KCTD7: variants seen among roughly 807,000 people sequenced by gnomAD.
KCTD7 encodes potassium channel tetramerization domain containing 7.
A neutral mutation model predicts 27.0 loss-of-function variants in KCTD7; 15 were observed. That is an observed-to-expected ratio of 0.56 (90% CI 0.37 to 0.86). The LOEUF is 0.86. KCTD7 is among the 40% of genes least tolerant of loss of function. The pLI, the probability that KCTD7 is intolerant of heterozygous loss-of-function variation, is 0.00. For missense variants in KCTD7, 299 were observed against 398.9 expected, an observed-to-expected ratio of 0.75 and a Z score of 2.13; for synonymous variants, 159 against 162.7, an observed-to-expected ratio of 0.98 and a Z score of 0.17.
At chr7:66,635,311 C>A (rs575567495) in intron 2 of KCTD7, among the ~76,000 whole-genome samples, 1 of 152,082 alleles carries the variant, frequency 6.6e-6, no homozygotes, top group Non-Finnish European at 1.5e-5. Flanking sequence ...AGTTTGTGTC[C>A]GGCCCGGCCG....
rs530330836 is a variant in KCTD7, at chr7:66,641,566, C to T, written c.*2334C>T. On this transcript the variant is annotated 3_prime_UTR_variant, in exon 4 of 4. Coordinates refer to ENST00000639828, the MANE Select transcript of KCTD7 (RefSeq NM_153033.5). ...GGGTAAGAACACCGTTCCTCTCTCT[C>T]GCTGGAGAAATCCCTGTTTCTCTGA... 140 of 985,404 alleles carry T rather than the reference C, an allele frequency of 1.4e-4. No homozygotes were observed. The African/African-American group carries it at 2.1e-3, about 15-fold the overall frequency. The allele number at this position is 985,404 out of a possible 1,614,324, so 61.0% of individuals were successfully genotyped here. A position where few individuals can be genotyped will look rare whatever the true frequency, so the allele number is the denominator to read the frequency against.
intron 1 of KCTD7, among the ~76,000 whole-genome samples, chr7:66,629,522 G>A (rs1786399907): frequency 6.6e-6 from 1 of 152,112 alleles, no homozygotes; most frequent in South Asian, 2.1e-4. Context: ...GGTGGGCCGT[G>A]GGAGGGGGAC....
In KCTD7 at chr7:66,640,135, G is replaced by A. The variant is rs796725334; in HGVS notation, c.*903G>A. ...CATGTGTTAGAATCCAGTTTGTGGT[G>A]AACCTCTTTGGAAGGGGACCCCCTC... On this transcript the variant is annotated 3_prime_UTR_variant, in exon 4 of 4. Transcript: ENST00000639828. 17 of 1,351,678 alleles carry A rather than the reference G, an allele frequency of 1.3e-5. No individual in the cohort carries two copies. In the African/African-American group the frequency reaches 2.5e-4, roughly 20 times the overall value. 83.7% of individuals were successfully genotyped at this position (1,351,678 alleles called of 1,614,324 possible). A position where few individuals can be genotyped will look rare whatever the true frequency, so the allele number is the denominator to read the frequency against.
At position 66,633,494 on chromosome 7, in the gene KCTD7, C is replaced by A. The variant is rs763903390; in HGVS notation, c.314+50C>A. The A allele has an allele frequency of 1.2e-5, 19 of 1,567,706 alleles. No individual in the cohort carries two copies. The South Asian group carries it at 1.3e-4, about 11-fold the overall frequency. On this transcript the variant is annotated intron_variant, in intron 2 of 3. Transcript: ENST00000639828. Reference sequence around the variant, plus strand: ...CTTTGTAGTCCTAGCAGGTGATTAGCGTAGGCTTGAGTATGGGACCTTGAT... The same window carrying A: ...CTTTGTAGTCCTAGCAGGTGATTAGAGTAGGCTTGAGTATGGGACCTTGAT...
chr7:66,638,163 T>C (rs1235576298), intron 2 of KCTD7, 90 bp from the exon 3 acceptor site: 1 of 1,336,810 alleles, frequency 7.5e-7, no homozygotes, highest in Non-Finnish European at 1.1e-6. Context: ...CAGCTGGCAG[T>C]CTGGTTTTAG....
At position 66,640,854 on chromosome 7, in the gene KCTD7, A is replaced by AATAT. The variant is rs1786698572; in HGVS notation, c.*1624_*1625insATAT. ...GTAAAAATAAATAAATAAATAAATA[A>AATAT]ATTGGGGAGGACAGCCTCACTGGTA... On this transcript the variant is annotated 3_prime_UTR_variant, in exon 4 of 4. Transcript: ENST00000639828. 2 of 983,812 alleles carry AATAT rather than the reference A, an allele frequency of 2.0e-6. No homozygotes were observed. The highest frequency in any genetic ancestry group is 3.5e-5 in the African/African-American group (2 of 57,190). 60.9% of individuals were successfully genotyped at this position (983,812 alleles called of 1,614,324 possible). A position where few individuals can be genotyped will look rare whatever the true frequency, so the allele number is the denominator to read the frequency against.
In KCTD7 at chr7:66,640,017, C is replaced by T. The variant is rs1786678196; in HGVS notation, c.*785C>T. The stretch of plus-strand genomic sequence containing the variant: ...TTCAGAGGCTTCTTTTGAAGATTCC[C>T]CAAGTCAAGCAGGCAAGATGCCTAG... On this transcript the variant is annotated 3_prime_UTR_variant, in exon 4 of 4. Coordinates refer to ENST00000639828, the MANE Select transcript of KCTD7 (RefSeq NM_153033.5). 2 of 1,255,448 alleles carry T rather than the reference C, an allele frequency of 1.6e-6. No individual in the cohort carries two copies. Among genetic ancestry groups the T allele is most frequent in the Admixed American group, 7.9e-5 (2 of 25,222 alleles). The allele number at this position is 1,255,448 out of a possible 1,614,324, so 77.8% of individuals were successfully genotyped here. A position where few individuals can be genotyped will look rare whatever the true frequency, so the allele number is the denominator to read the frequency against.
chr7:66,638,551 A>G lies in KCTD7; in HGVS notation c.493+120A>G, dbSNP rs531332669. On this transcript the variant is annotated intron_variant, in intron 3 of 3. Transcript: ENST00000639828. ...ATTCATCCAGATTACTCAAGATGCG[A>G]TGGAGTGTCATCCCTTCCCAGTCAC... 519 of 1,118,040 alleles carry G rather than the reference A, an allele frequency of 4.6e-4. 3 individuals are homozygous for G. The highest frequency in any genetic ancestry group is 8.2e-4 in the South Asian group (56 of 68,492). 69.3% of individuals were successfully genotyped at this position (1,118,040 alleles called of 1,614,324 possible).
chr7:66,643,076 G>C (rs565392091), downstream of KCTD7: 6 of 985,416 alleles, frequency 6.1e-6, no homozygotes, highest in South Asian at 2.3e-4. Context: ...CTTTTTTAGA[G>C]ATGTGCTCTC....
rs1786690102 is a variant in KCTD7, at chr7:66,640,442, G to C, written c.*1210G>C. 1 of 1,537,164 alleles carries C rather than the reference G, an allele frequency of 6.5e-7. No homozygotes were observed. Among genetic ancestry groups the C allele is most frequent in the Non-Finnish European group, 8.7e-7 (1 of 1,146,894 alleles). On this transcript the variant is annotated 3_prime_UTR_variant, in exon 4 of 4. Coordinates refer to ENST00000639828, the MANE Select transcript of KCTD7 (RefSeq NM_153033.5). ...TCTGTTACTACTGCATTTCCTTCTTGCTCTGTCTACAGCCTAGGCCAACTA... is the reference window on the plus strand; with the variant it reads ...TCTGTTACTACTGCATTTCCTTCTTCCTCTGTCTACAGCCTAGGCCAACTA...
intron 2 of KCTD7, 67 bp downstream of exon 2, chr7:66,633,511 G>A (rs1377074471): frequency 2.1e-6 from 3 of 1,419,228 alleles, no homozygotes; most frequent in Non-Finnish European, 3.0e-6. Context: ...TTGAGTATGG[G>A]ACCTTGATAT....
At chr7:66,636,342 G>A (rs377123563) in intron 2 of KCTD7, among the ~76,000 whole-genome samples, 1 of 151,934 alleles carries the variant, frequency 6.6e-6, no homozygotes, top group South Asian at 2.1e-4. Context: ...CTCTGGCAGC[G>A]GTGGCTACTT....
At position 66,641,695 on chromosome 7, in the gene KCTD7, A is replaced by T. The variant is rs1786721776; in HGVS notation, c.*2463A>T. 1 of 985,298 alleles carries T rather than the reference A, an allele frequency of 1.0e-6. No individual in the cohort carries two copies. The highest frequency in any genetic ancestry group is 1.2e-6 in the Non-Finnish European group (1 of 829,944). 61.0% of individuals were successfully genotyped at this position (985,298 alleles called of 1,614,324 possible). A position where few individuals can be genotyped will look rare whatever the true frequency, so the allele number is the denominator to read the frequency against. On this transcript the variant is annotated 3_prime_UTR_variant, in exon 4 of 4. Coordinates refer to ENST00000639828, the MANE Select transcript of KCTD7 (RefSeq NM_153033.5). ...AGGTGACACTGGGCAGCAAGCTGAG[A>T]GCTCTTTCTAAATGGAGTGAAGGAA... is the stretch of plus-strand genomic sequence containing the variant.
At chr7:66,633,548 A>G in intron 2 of KCTD7, 104 bp downstream of exon 2, 1 of 1,101,802 alleles carries the variant, frequency 9.1e-7, no homozygotes, top group Non-Finnish European at 1.4e-6. Flanking sequence ...AAGAGGAGAT[A>G]GCATATTGAT....
chr7:66,629,170 A>G lies in KCTD7; in HGVS notation c.106A>G (p.Thr36Ala). 1 of 1,520,302 alleles carries G rather than the reference A, an allele frequency of 6.6e-7. No individual in the cohort carries two copies. The highest frequency in any genetic ancestry group is 8.8e-7 in the Non-Finnish European group (1 of 1,134,374). The allele number at this position is 1,520,302 out of a possible 1,614,324, so 94.2% of individuals were successfully genotyped here. A position where few individuals can be genotyped will look rare whatever the true frequency, so the allele number is the denominator to read the frequency against. The change falls in exon 1 of 4, where the codon ACG becomes GCG. Residue 36 changes from threonine to alanine, a missense_variant. Physicochemically the swap from Thr to Ala is moderately conservative, Grantham distance 58. Transcript: ENST00000639828. The part of the protein sequence containing the change: ...DFLEPATPTA[T>A]QAGHALPLLP... ...TCTGGAGCCGGCCACGCCGACGGCCACGCAGGCGGGGCACGCGCTGCCCCT... is the reference window on the plus strand; with the variant it reads ...TCTGGAGCCGGCCACGCCGACGGCCGCGCAGGCGGGGCACGCGCTGCCCCT...
In KCTD7 at chr7:66,639,137, G is replaced by A. The variant is rs1786654122; in HGVS notation, c.775G>A (p.Val259Met). ...VTDLSAQGLT[V>M]DHQCIGVCDK... The stretch of plus-strand genomic sequence containing the variant: ...GGACCTCTCGGCCCAGGGTCTCACC[G>A]TGGACCACCAGTGCATCGGGGTGTG... The change falls in exon 4 of 4, where the codon GTG becomes ATG. Residue 259 changes from valine (V) to methionine (M), a missense_variant. Val to Met is a conservative substitution (Grantham distance 21). Coordinates refer to ENST00000639828, the MANE Select transcript of KCTD7 (RefSeq NM_153033.5). 2 of 1,614,162 alleles carry A rather than the reference G, an allele frequency of 1.2e-6. No individual in the cohort carries two copies. The highest frequency in any genetic ancestry group is 1.7e-6 in the Non-Finnish European group (2 of 1,180,036).
chr7:66,639,732 G>GC lies in KCTD7; in HGVS notation c.*501dup. ...ATAGCCCCTGGCTGAAGAAGAAAGAGCATCTTCTCTCCCACTGCACCCCTT... is the reference window on the plus strand; with the variant it reads ...ATAGCCCCTGGCTGAAGAAGAAAGAGCCATCTTCTCTCCCACTGCACCCCTT... On this transcript the variant is annotated 3_prime_UTR_variant, in exon 4 of 4. Coordinates refer to ENST00000639828, the MANE Select transcript of KCTD7 (RefSeq NM_153033.5). 1 of 1,249,910 alleles carries GC rather than the reference G, an allele frequency of 8.0e-7. No homozygotes were observed. Among genetic ancestry groups the GC allele is most frequent in the Non-Finnish European group, 1.0e-6 (1 of 998,058 alleles). 77.4% of individuals were successfully genotyped at this position (1,249,910 alleles called of 1,614,324 possible).
At chr7:66,630,635 A>G (rs891613590) in intron 1 of KCTD7, among the ~76,000 whole-genome samples, 5 of 152,208 alleles carry the variant, frequency 3.3e-5, no homozygotes, top group Non-Finnish European at 7.3e-5. Context: ...TGCAAGCCCC[A>G]TACACACAAT....
rs1007488435 is a variant in KCTD7 at position 66,640,379 on chromosome 7, A to T, written c.*1147A>T. Reference sequence around the variant, plus strand: ...CACTCCTGTATATTTTGGTTTACTTACTCCTCTATTTCAGAAATTGAAAAA... The same window carrying T: ...CACTCCTGTATATTTTGGTTTACTTTCTCCTCTATTTCAGAAATTGAAAAA... On this transcript the variant is annotated 3_prime_UTR_variant, in exon 4 of 4. Coordinates refer to ENST00000639828, the MANE Select transcript of KCTD7 (RefSeq NM_153033.5). 1 of 1,536,794 alleles carries T rather than the reference A, an allele frequency of 6.5e-7. No individual in the cohort carries two copies. Among genetic ancestry groups the T allele is most frequent in the Admixed American group, 2.0e-5 (1 of 50,956 alleles).
Sources: allele counts gnomAD v4.1 joint callset (sites outside exome capture counted in the v4.1 genomes callset), GRCh38; gene constraint gnomAD v4.1.1; transcripts MANE v1.5; gene names NCBI Gene and HGNC (gene_info 2026-07-23, HGNC 2026-07-21).